DLG2: variants seen among roughly 807,000 people sequenced by gnomAD.
The protein encoded by DLG2 is discs large MAGUK scaffold protein 2.
A neutral mutation model predicts 132.5 loss-of-function variants in DLG2; 45 were observed. The observed-to-expected ratio is 0.34, with a 90% CI of 0.27 to 0.44. The LOEUF is 0.44. Ranked by LOEUF, DLG2 falls within the 20% of genes least tolerant of loss-of-function variation. The pLI is 1.00. For synonymous variants in DLG2, 424 were observed against 419.6 expected (o/e 1.01, Z -0.13); for missense variants, 1,045 against 1,196.9 (o/e 0.87, Z 1.87).
At chr11:84,231,110 A>C (rs1052165217) in intron 8 of DLG2, among the ~76,000 whole-genome samples, 1 of 152,312 alleles carries the variant, frequency 6.6e-6, no homozygotes, top group South Asian at 2.1e-4. Context: ...TCTTCTGGGT[A>C]ACTTCTGGAA....
At chr11:84,596,245 T>C (rs1420693507) in intron 6 of DLG2, among the ~76,000 whole-genome samples, 1 of 151,698 alleles carries the variant, frequency 6.6e-6, no homozygotes, top group Non-Finnish European at 1.5e-5. Flanking sequence ...TTTGCTCTTA[T>C]CACCCAGGTT....
chr11:85,244,686 T>C (rs1415205053), intron 4 of DLG2, among the ~76,000 whole-genome samples: 1 of 151,950 alleles, frequency 6.6e-6, no homozygotes, highest in Non-Finnish European at 1.5e-5. Context: ...AAATAGATAG[T>C]TCCAGTTAAA....
At chr11:83,643,895 T>C (rs1010173235) in intron 18 of DLG2, among the ~76,000 whole-genome samples, 2 of 152,096 alleles carry the variant, frequency 1.3e-5, no homozygotes, top group African/African-American at 4.8e-5. Flanking sequence ...GTGACTACTT[T>C]TCTGTTTTGT....
At chr11:84,296,403 T>C (rs1011211475) in intron 7 of DLG2, among the ~76,000 whole-genome samples, 14 of 152,202 alleles carry the variant, frequency 9.2e-5, no homozygotes, top group Non-Finnish European at 2.1e-4. Context: ...GAGTTGTTAA[T>C]GAACCCAATG....
intron 9 of DLG2, among the ~76,000 whole-genome samples, chr11:84,152,881 G>A (rs2095335838): frequency 6.6e-6 from 1 of 152,050 alleles, no homozygotes; most frequent in Admixed American, 6.6e-5. Flanking sequence ...ATGAAGTTTT[G>A]ATACTGTCAT....
intron 9 of DLG2, among the ~76,000 whole-genome samples, chr11:84,149,289 G>A (rs2095210160): frequency 6.6e-6 from 1 of 151,948 alleles, no homozygotes; most frequent in African/African-American, 2.4e-5. Context: ...TAAATTCTTT[G>A]CCAATGCCAA....
At chr11:83,786,822 T>A (rs769599390) in intron 17 of DLG2, 30 bp from the exon 18 acceptor site, 1 of 1,601,944 alleles carries the variant, frequency 6.2e-7, no homozygotes, top group South Asian at 1.1e-5. Flanking sequence ...AGAATCTTGG[T>A]ATTTCATAAG....
At chr11:85,515,346 G>A (rs1343501194) in intron 3 of DLG2, among the ~76,000 whole-genome samples, 1 of 151,956 alleles carries the variant, frequency 6.6e-6, no homozygotes, top group Non-Finnish European at 1.5e-5. Flanking sequence ...GCAAGAACTT[G>A]TGTAGGTATG....
intron 11 of DLG2, among the ~76,000 whole-genome samples, chr11:84,018,221 G>T (rs1384095520): frequency 6.6e-6 from 1 of 151,944 alleles, no homozygotes; most frequent in South Asian, 2.1e-4. Context: ...GGTCACTGAA[G>T]CTCTGTTCAC....
intron 6 of DLG2, among the ~76,000 whole-genome samples, chr11:84,768,935 G>T (rs914222401): frequency 6.6e-6 from 1 of 151,790 alleles, no homozygotes; most frequent in Non-Finnish European, 1.5e-5. Context: ...ATAAGAAAGA[G>T]AAGAGAAAAA....
At chr11:84,946,929 G>C (rs190859856) in intron 6 of DLG2, among the ~76,000 whole-genome samples, 1 of 152,174 alleles carries the variant, frequency 6.6e-6, no homozygotes, top group Non-Finnish European at 1.5e-5. Flanking sequence ...GCTAGGGCTG[G>C]TCTAAATTCT....
At chr11:84,201,454 G>A (rs897026275) in intron 8 of DLG2, among the ~76,000 whole-genome samples, 1 of 152,114 alleles carries the variant, frequency 6.6e-6, no homozygotes, top group African/African-American at 2.4e-5. Context: ...GATGATGCTG[G>A]CCTCATAGAA....
intron 3 of DLG2, among the ~76,000 whole-genome samples, chr11:85,474,977 G>A (rs1383445502): frequency 6.6e-6 from 1 of 150,928 alleles, no homozygotes; most frequent in African/African-American, 2.4e-5. Flanking sequence ...AAAGAACATA[G>A]AAAGGAAAAG....
intron 7 of DLG2, among the ~76,000 whole-genome samples, chr11:84,441,858 C>T (rs890781227): frequency 5.3e-5 from 8 of 152,160 alleles, no homozygotes; most frequent in Non-Finnish European, 1.0e-4. Context: ...TTCCCAACAC[C>T]ATTTATTAAA....
chr11:83,613,423 GTTCAT>G (rs141666714), intron 19 of DLG2, among the ~76,000 whole-genome samples: 5,184 of 152,188 alleles, frequency 0.034, 287 homozygotes, highest in African/African-American at 0.12. Flanking sequence ...TTTCTAATCA[GTTCAT>G]TTCATCACTG....
At chr11:84,913,557 G>T (rs2092263635) in intron 6 of DLG2, among the ~76,000 whole-genome samples, 2 of 151,910 alleles carry the variant, frequency 1.3e-5, no homozygotes, top group South Asian at 4.2e-4. Flanking sequence ...AGAAGCCTAT[G>T]AATAATTATT....
At chr11:85,158,454 G>A (rs1270080237) in intron 4 of DLG2, among the ~76,000 whole-genome samples, 3 of 152,156 alleles carry the variant, frequency 2.0e-5, no homozygotes, top group African/African-American at 7.2e-5. Flanking sequence ...TTGGGATGGT[G>A]GAGTGGATTA....
At chr11:84,681,114 G>C (rs1055701703) in intron 6 of DLG2, among the ~76,000 whole-genome samples, 1 of 152,122 alleles carries the variant, frequency 6.6e-6, no homozygotes, top group Non-Finnish European at 1.5e-5. Context: ...ATTTCACACA[G>C]TTGCTAAACC....
intron 15 of DLG2, among the ~76,000 whole-genome samples, chr11:83,929,868 A>G (rs564766310): frequency 2.0e-5 from 3 of 152,240 alleles, no homozygotes; most frequent in Non-Finnish European, 4.4e-5. Context: ...AAATGGTGAT[A>G]TTAATCTAAT....
Sources: allele counts gnomAD v4.1 joint callset (sites outside exome capture counted in the v4.1 genomes callset), GRCh38; gene constraint gnomAD v4.1.1; transcripts MANE v1.5; gene names NCBI Gene and HGNC (gene_info 2026-07-23, HGNC 2026-07-21).